RAB31: variants seen among roughly 807,000 people sequenced by gnomAD.
RAB31 encodes ras-related protein Rab-31.
Under a neutral mutation model 25.6 loss-of-function variants are expected in RAB31, and 21 were observed. That is an observed-to-expected ratio of 0.82 (90% CI 0.58 to 1.18). RAB31 has a LOEUF of 1.18. Ranked by LOEUF, RAB31 falls within the 50% of genes most tolerant of loss-of-function variation. The probability of loss-of-function intolerance (pLI) is 0.00; values close to 1 mark genes in which losing one functional copy is unlikely to be tolerated. For missense variants in RAB31, 196 were observed against 250.1 expected (o/e 0.78, Z 1.46); for synonymous variants, 87 against 84.0 (o/e 1.04, Z -0.20).
At chr18:9,823,827 C>G (rs1391849029) in intron 5 of RAB31, among the ~76,000 whole-genome samples, 2 of 152,176 alleles carry the variant, frequency 1.3e-5, no homozygotes, top group Admixed American at 6.5e-5. Flanking sequence ...TAAAAATTCC[C>G]ATTTAGGAAA....
chr18:9,769,361 C>T (rs1427508523), intron 1 of RAB31, among the ~76,000 whole-genome samples: 2 of 152,142 alleles, frequency 1.3e-5, no homozygotes, highest in Non-Finnish European at 1.5e-5. Context: ...TGTGTCCTCT[C>T]TTATTTCGTT....
Position 9,708,509 on chromosome 18 carries a change from A to G in RAB31, c.39+65A>G, listed in dbSNP as rs1356571886. 78 of 1,382,506 alleles carry G rather than the reference A, an allele frequency of 5.6e-5. No individual in the cohort carries two copies. Among genetic ancestry groups the G allele is most frequent in the Non-Finnish European group, 7.2e-5 (74 of 1,028,564 alleles). The allele number at this position is 1,382,506 out of a possible 1,614,324, so 85.6% of individuals were successfully genotyped here. ...CGCTCTCGCGCCCCTTCGCTCCCCT[A>G]TTCCCTGCGCGCTCAGTCCCCGTGA... On this transcript the variant is annotated intron_variant, in intron 1 of 6. Coordinates refer to ENST00000578921, the MANE Select transcript of RAB31 (RefSeq NM_006868.4). This position sits in a 1 kb window ranked among gnomAD's most constrained non-coding sequence, Gnocchi z 6.4.
chr18:9,723,771 G>A (rs1160328286), intron 1 of RAB31: 1 of 152,164 alleles, frequency 6.6e-6, no homozygotes, highest in East Asian at 1.9e-4. Context: ...CCAACCGATT[G>A]TTTCTGGAAC....
intron 3 of RAB31, among the ~76,000 whole-genome samples, chr18:9,795,691 T>G (rs112005533): frequency 0.019 from 2,823 of 152,310 alleles, 86 homozygotes; most frequent in African/African-American, 0.065. Context: ...TGATACGGCC[T>G]TACTCTTGCA....
Position 9,708,561 on chromosome 18 carries a change from T to G in RAB31, c.39+117T>G. On this transcript the variant is annotated intron_variant, in intron 1 of 6. Transcript: ENST00000578921. The surrounding 1 kb of genome is among the most constrained non-coding windows in gnomAD (Gnocchi z 6.4). ...CCCCTCGCTCTCCGCACCCCTCTCG[T>G]AGCCCCCGTCCCCCTCGTCCGCGCG... The G allele has an allele frequency of 2.4e-5, 21 of 880,192 alleles. No individual in the cohort carries two copies. Among genetic ancestry groups the G allele is most frequent in the Non-Finnish European group, 2.7e-5 (17 of 632,096 alleles). 54.5% of individuals were successfully genotyped at this position (880,192 alleles called of 1,614,324 possible). A position where few individuals can be genotyped will look rare whatever the true frequency, so the allele number is the denominator to read the frequency against.
intron 6 of RAB31, among the ~76,000 whole-genome samples, chr18:9,858,938 G>A (rs973109841): frequency 5.9e-5 from 9 of 152,072 alleles, no homozygotes; most frequent in African/African-American, 2.2e-4. Flanking sequence ...GCTGCCCCCA[G>A]GAGTGGATCT....
At chr18:9,737,067 T>C (rs527772176) in intron 1 of RAB31, among the ~76,000 whole-genome samples, 39 of 152,340 alleles carry the variant, frequency 2.6e-4, no homozygotes, top group African/African-American at 9.1e-4. Context: ...TAGCAGAGAA[T>C]CGATTAATGA....
intron 1 of RAB31, among the ~76,000 whole-genome samples, chr18:9,717,083 G>GT (rs1296983017): frequency 4.0e-5 from 6 of 151,054 alleles, no homozygotes; most frequent in East Asian, 2.0e-4. Context: ...CTTCTTTTTT[G>GT]TTTTTTTGTT....
chr18:9,848,350 GTCTA>G (rs1240515908), intron 6 of RAB31, among the ~76,000 whole-genome samples: 27 of 151,438 alleles, frequency 1.8e-4, no homozygotes, highest in Non-Finnish European at 2.9e-4. Flanking sequence ...CCATCTGTCC[GTCTA>G]TCTATCTATT....
chr18:9,752,835 G>A (rs2068242325), intron 1 of RAB31, among the ~76,000 whole-genome samples: 1 of 152,186 alleles, frequency 6.6e-6, no homozygotes, highest in Admixed American at 6.5e-5. Flanking sequence ...TTTATGGAAT[G>A]TCTACACTAC....
intron 3 of RAB31, among the ~76,000 whole-genome samples, chr18:9,807,459 C>T (rs1356652415): frequency 1.3e-5 from 2 of 152,018 alleles, no homozygotes; most frequent in African/African-American, 4.8e-5. Flanking sequence ...GTGTATGATG[C>T]GAATAGACAT....
At chr18:9,764,438 C>T (rs1352972803) in intron 1 of RAB31, among the ~76,000 whole-genome samples, 1 of 152,176 alleles carries the variant, frequency 6.6e-6, no homozygotes, top group African/African-American at 2.4e-5. Flanking sequence ...AATGGGAAAT[C>T]TGAGTCTTGA....
intron 1 of RAB31, among the ~76,000 whole-genome samples, chr18:9,770,660 T>A (rs2068339895): frequency 6.6e-6 from 1 of 152,172 alleles, no homozygotes; most frequent in South Asian, 2.1e-4. Flanking sequence ...TTTACTGTAC[T>A]TTATTTCAGG....
At chr18:9,850,425 G>A (rs2068783489) in intron 6 of RAB31, among the ~76,000 whole-genome samples, 1 of 152,076 alleles carries the variant, frequency 6.6e-6, no homozygotes, top group African/African-American at 2.4e-5. Flanking sequence ...ATGGCCAGCT[G>A]GTTTGTGGAT....
rs1032830161 is a variant in RAB31 at position 9,812,401 on chromosome 18, A to G, written c.202-1619A>G. On this transcript the variant is annotated intron_variant, in intron 3 of 6. Transcript: ENST00000578921. ...ACACATTTCAACTTTTGATTATATTACCAACAGTTGCTTTGAAAGAAGATA... is the reference window on the plus strand; with the variant it reads ...ACACATTTCAACTTTTGATTATATTGCCAACAGTTGCTTTGAAAGAAGATA... Among the ~76,000 whole-genome samples, 7 of 152,190 alleles carry G rather than the reference A, an allele frequency of 4.6e-5. 1 individual carries two copies. The highest frequency in any genetic ancestry group is 8.8e-5 in the Non-Finnish European group (6 of 68,042).
intron 1 of RAB31, among the ~76,000 whole-genome samples, chr18:9,754,269 A>G (rs947291651): frequency 6.6e-6 from 1 of 152,062 alleles, no homozygotes; most frequent in Non-Finnish European, 1.5e-5. Flanking sequence ...TCTGTACTGA[A>G]CAAGTACAGA....
intron 6 of RAB31, among the ~76,000 whole-genome samples, chr18:9,848,251 T>C (rs919305299): frequency 3.9e-5 from 6 of 152,178 alleles, no homozygotes; most frequent in African/African-American, 1.4e-4. Flanking sequence ...TCCACTTGGC[T>C]GTCTATCTGT....
chr18:9,770,469 G>C (rs1256870594), intron 1 of RAB31, among the ~76,000 whole-genome samples: 1 of 152,186 alleles, frequency 6.6e-6, no homozygotes, highest in Non-Finnish European at 1.5e-5. Flanking sequence ...TAATAAGTGT[G>C]ACAATTCAAA....
intron 1 of RAB31, among the ~76,000 whole-genome samples, chr18:9,737,959 A>G (rs1171939715): frequency 2.6e-5 from 4 of 152,210 alleles, no homozygotes; most frequent in Non-Finnish European, 5.9e-5. Context: ...CAGGCTTACC[A>G]ACAACGTGGT....
Sources: allele counts gnomAD v4.1 joint callset (sites outside exome capture counted in the v4.1 genomes callset), GRCh38; gene constraint gnomAD v4.1.1; non-coding constraint Gnocchi (gnomAD v3.1); transcripts MANE v1.5; gene names NCBI Gene and HGNC (gene_info 2026-07-23, HGNC 2026-07-21).